The following GRIK2 variants were observed in gnomAD, a reference collection of about 807,000 sequenced individuals.
GRIK2 encodes the protein glutamate ionotropic receptor kainate type subunit 2.
Under a neutral mutation model 100.3 loss-of-function variants are expected in GRIK2, and 32 were observed. The observed-to-expected ratio is 0.32, with a 90% CI of 0.24 to 0.43. GRIK2 has a LOEUF of 0.43. GRIK2 is among the 20% of genes least tolerant of loss of function. The pLI, the probability that GRIK2 is intolerant of heterozygous loss-of-function variation, is 1.00. For missense variants in GRIK2, 843 were observed against 1,114.9 expected (o/e 0.76, Z 3.47); for synonymous variants, 417 against 389.4 (o/e 1.07, Z -0.83).
intron 7 of GRIK2, among the ~76,000 whole-genome samples, chr6:101,728,355 A>G (rs1775018753): frequency 2.0e-5 from 3 of 152,228 alleles, no homozygotes; most frequent in South Asian, 2.1e-4. Flanking sequence ...ATTAAATTCT[A>G]TCAGTAACAC....
intron 7 of GRIK2, chr6:101,745,015 C>A (rs916303144): frequency 1.3e-5 from 2 of 151,978 alleles, no homozygotes; most frequent in African/African-American, 4.8e-5. Flanking sequence ...GTATTTTAGG[C>A]AATTCCCATA....
chr6:101,516,490 G>C (rs1244045106), intron 2 of GRIK2, among the ~76,000 whole-genome samples: 1 of 151,994 alleles, frequency 6.6e-6, no homozygotes, highest in African/African-American at 2.4e-5. Context: ...AGTGGGGAAA[G>C]GGCACCCTTT....
intron 14 of GRIK2, 29 bp downstream of exon 14, chr6:101,928,661 C>A: frequency 1.8e-6 from 2 of 1,133,862 alleles, no homozygotes; most frequent in Non-Finnish European, 2.7e-6. Flanking sequence ...CTAAAATTTA[C>A]AAATTAAAAT....
At chr6:101,787,692 T>C (rs1391075166) in intron 7 of GRIK2, among the ~76,000 whole-genome samples, 1 of 152,200 alleles carries the variant, frequency 6.6e-6, no homozygotes, top group Non-Finnish European at 1.5e-5. Context: ...TTTTCAACTT[T>C]TAAAAGTTTG....
chr6:102,043,687 T>C (rs1290612520), intron 15 of GRIK2, among the ~76,000 whole-genome samples: 2 of 134,962 alleles, frequency 1.5e-5, no homozygotes, highest in Admixed American at 7.6e-5. Context: ...ATCCTATAAC[T>C]TGGCTATTGT....
At chr6:102,009,976 T>C (rs1417987622) in intron 14 of GRIK2, among the ~76,000 whole-genome samples, 1 of 152,114 alleles carries the variant, frequency 6.6e-6, no homozygotes, top group Non-Finnish European at 1.5e-5. Context: ...TAACTACAGC[T>C]TTATGAAAAC....
At chr6:101,732,499 C>A (rs1017421937) in intron 7 of GRIK2, among the ~76,000 whole-genome samples, 2 of 151,940 alleles carry the variant, frequency 1.3e-5, no homozygotes, top group South Asian at 4.1e-4. Context: ...ATCTTTATTT[C>A]ATGGTTCATT....
chr6:102,052,233 C>T lies in GRIK2; in HGVS notation c.2312-3097C>T, dbSNP rs902797329. Among the ~76,000 whole-genome samples, 3 of 152,140 alleles carry T rather than the reference C, an allele frequency of 2.0e-5. 1 individual carries two copies. The South Asian group carries it at 6.2e-4, about 32-fold the overall frequency. On this transcript the variant is annotated intron_variant, in intron 15 of 16. Coordinates refer to ENST00000369134, the MANE Select transcript of GRIK2 (RefSeq NM_021956.5). ...TAATAATTCATTTTTAATTACTTGT[C>T]CTTTTAAAAAATACTTAAACTAGAT...
At chr6:101,399,425 ATCCGC>A in intron 2 of GRIK2, 33 bp downstream of exon 2, 1 of 1,080,600 alleles carries the variant, frequency 9.3e-7, no homozygotes, top group South Asian at 1.2e-5. Context: ...GTTGCCTGGT[ATCCGC>A]TCCCAGGCAG....
chr6:101,624,862 G>A (rs1326293645), intron 3 of GRIK2, among the ~76,000 whole-genome samples: 3 of 152,062 alleles, frequency 2.0e-5, no homozygotes, highest in Non-Finnish European at 4.4e-5. Context: ...CTGCCAAGTA[G>A]CTAGGACTAT....
intron 7 of GRIK2, among the ~76,000 whole-genome samples, chr6:101,749,662 T>C (rs556920948): frequency 1.3e-5 from 2 of 152,210 alleles, no homozygotes; most frequent in African/African-American, 4.8e-5. Flanking sequence ...AGAAAAGTGA[T>C]TTTCTCTTTT....
In GRIK2 at chr6:101,813,621, A is replaced by G. The variant is rs569787006; in HGVS notation, c.1204-4749A>G. ...TTTCCTTGTAGCAAAATAATTCATAATACACAAAGCAAAATAAAGAGAGGC... is the reference window on the plus strand; with the variant it reads ...TTTCCTTGTAGCAAAATAATTCATAGTACACAAAGCAAAATAAAGAGAGGC... On this transcript the variant is annotated intron_variant, in intron 9 of 16. Transcript: ENST00000369134. 2.9e-4 allele frequency among the ~76,000 whole-genome samples: 44 copies of G among 152,244 alleles called. 1 individual carries two copies. The South Asian group carries it at 8.9e-3, about 31-fold the overall frequency.
chr6:101,514,486 A>G (rs948187961), intron 2 of GRIK2, among the ~76,000 whole-genome samples: 24 of 152,150 alleles, frequency 1.6e-4, no homozygotes, highest in Non-Finnish European at 2.6e-4. Context: ...ATTATTTTTT[A>G]AAGAACTCAT....
chr6:101,626,506 A>G lies in GRIK2; in HGVS notation c.410A>G (p.Gln137Arg), dbSNP rs1156309947. Residue 137 changes from glutamine to arginine, a missense_variant, in exon 4 of 17, where the codon CAG becomes CGG. By Grantham distance (43) the Gln-to-Arg change is conservative. Transcript: ENST00000369134. ...VPHIQTRWKH[Q>R]VSDNKDSFYV... is the part of the protein sequence containing the mutation. ...CACATACAGACCCGCTGGAAGCACC[A>G]GGTGTCAGACAACAAAGATTCCTTC... is the stretch of plus-strand genomic sequence containing the variant. 2 of 1,614,040 alleles carry G rather than the reference A, an allele frequency of 1.2e-6. No individual in the cohort carries two copies. Among genetic ancestry groups the G allele is most frequent in the South Asian group, 2.2e-5 (2 of 91,084 alleles).
chr6:101,883,784 C>T (rs1786429841), intron 11 of GRIK2, among the ~76,000 whole-genome samples: 1 of 152,108 alleles, frequency 6.6e-6, no homozygotes, highest in African/African-American at 2.4e-5. Context: ...AATGTGTACA[C>T]TCACTTGAGG....
At chr6:101,650,159 G>A (rs1195549635) in intron 4 of GRIK2, among the ~76,000 whole-genome samples, 1 of 152,044 alleles carries the variant, frequency 6.6e-6, no homozygotes, top group Admixed American at 6.6e-5. Context: ...AGAGCACATA[G>A]GATTTTTCTG....
intron 2 of GRIK2, among the ~76,000 whole-genome samples, chr6:101,401,066 G>C (rs994564977): frequency 3.3e-5 from 5 of 152,196 alleles, no homozygotes; most frequent in Non-Finnish European, 7.3e-5. Flanking sequence ...AAGTGCTACA[G>C]TATGGTAGTT....
At chr6:101,818,543 A>T in intron 10 of GRIK2, 60 bp downstream of exon 10, 2 of 897,630 alleles carry the variant, frequency 2.2e-6, no homozygotes, top group Non-Finnish European at 3.7e-6. Context: ...AAGTGCATAG[A>T]AAAGGACATT....
intron 15 of GRIK2, among the ~76,000 whole-genome samples, chr6:102,041,994 A>AT (rs1257311230): frequency 1.3e-5 from 2 of 151,526 alleles, no homozygotes; most frequent in East Asian, 1.9e-4. Flanking sequence ...CCTACCTGGG[A>AT]TTTTACCATC....
Sources: allele counts gnomAD v4.1 joint callset (sites outside exome capture counted in the v4.1 genomes callset), GRCh38; gene constraint gnomAD v4.1.1; transcripts MANE v1.5; gene names NCBI Gene and HGNC (gene_info 2026-07-23, HGNC 2026-07-21).